PHF24: variants seen among roughly 807,000 people sequenced by gnomAD.
PHF24 encodes PHD finger protein 24.
PHF24 carries 25 observed loss-of-function variants against 42.6 expected under a neutral mutation model. That is an observed-to-expected ratio of 0.59 (90% confidence interval 0.43 to 0.82). The LOEUF is 0.82. Ranked by LOEUF, PHF24 falls within the 40% of genes least tolerant of loss-of-function variation. The pLI, the probability that PHF24 is intolerant of heterozygous loss-of-function variation, is 0.00. For synonymous variants in PHF24, 185 were observed against 204.8 expected, an observed-to-expected ratio of 0.90 and a Z score of 0.83; for missense variants, 470 against 538.1, an observed-to-expected ratio of 0.87 and a Z score of 1.25.
the PHF24 span, among the ~76,000 whole-genome samples, chr9:34,703,958 T>A: frequency 1.3e-5 from 2 of 152,048 alleles, no homozygotes; most frequent in African/African-American, 4.8e-5. Flanking sequence ...GTTCAAGAGA[T>A]CCTCCCACCT....
chr9:34,707,655 C>T, the PHF24 span, among the ~76,000 whole-genome samples: 4 of 152,136 alleles, frequency 2.6e-5, no homozygotes, highest in Non-Finnish European at 5.9e-5. Context: ...CAGGCTCCTA[C>T]AGAAGGAAAA....
chr9:34,885,301 G>C, the PHF24 span, among the ~76,000 whole-genome samples: 1 of 152,144 alleles, frequency 6.6e-6, no homozygotes, highest in Non-Finnish European at 1.5e-5. Flanking sequence ...TCCTATCTGG[G>C]CTTTCTGCAT....
At chr9:34,957,121 G>A (rs907761885), upstream of PHF24, among the ~76,000 whole-genome samples, 2 of 152,150 alleles carry the variant, frequency 1.3e-5, no homozygotes, top group African/African-American at 4.8e-5. Context: ...AATAGTACCT[G>A]GCACTTCGTG....
the PHF24 span, among the ~76,000 whole-genome samples, chr9:34,946,456 T>C: frequency 6.6e-6 from 1 of 152,342 alleles, no homozygotes; most frequent in South Asian, 2.1e-4. Context: ...AGTTTCCATA[T>C]CCATTTCCAA....
chr9:34,722,329 T>A, the PHF24 span, among the ~76,000 whole-genome samples: 2 of 152,216 alleles, frequency 1.3e-5, no homozygotes, highest in Admixed American at 1.3e-4. Flanking sequence ...GTTTTTGTCC[T>A]AAATAACTGG....
upstream of PHF24, chr9:34,958,226 G>GC (rs1316680269): frequency 3.3e-5 from 5 of 151,116 alleles, 1 homozygote; most frequent in South Asian, 1.8e-4. This position sits in a 1 kb window ranked among gnomAD's most constrained non-coding sequence, Gnocchi z 4.5. Flanking sequence ...CCGGCCGCGC[G>GC]CGCCGCCGCC....
the PHF24 span, among the ~76,000 whole-genome samples, chr9:34,678,979 A>G: frequency 1.3e-5 from 2 of 152,190 alleles, no homozygotes; most frequent in Admixed American, 6.5e-5. Context: ...AGTTTAAACT[A>G]ACACCTGTCT....
exon 7 of PHF24, chr9:34,977,627 A>G: frequency 6.2e-7 from 1 of 1,600,732 alleles, no homozygotes; most frequent in Non-Finnish European, 8.5e-7. Flanking sequence ...TGCTGCCCAC[A>G]GAGCAGGAGT....
chr9:34,929,906 T>C, the PHF24 span, among the ~76,000 whole-genome samples: 5 of 152,216 alleles, frequency 3.3e-5, no homozygotes, highest in Non-Finnish European at 7.3e-5. Context: ...AAGCTTTACA[T>C]TGTAACCCTT....
the PHF24 span, chr9:34,835,698 G>T: frequency 3.6e-4 from 555 of 1,551,364 alleles, 5 homozygotes; most frequent in South Asian, 5.5e-3. Context: ...CTAGCTGGAG[G>T]TGATCAGCCC....
chr9:34,728,563 A>T, the PHF24 span: 1 of 1,537,782 alleles, frequency 6.5e-7, no homozygotes, highest in East Asian at 2.4e-5. Context: ...GATTCATGGG[A>T]AACACCCACA....
the PHF24 span, among the ~76,000 whole-genome samples, chr9:34,857,064 T>C: frequency 1.3e-5 from 2 of 152,188 alleles, no homozygotes; most frequent in Non-Finnish European, 2.9e-5. Flanking sequence ...TTGTGTTGCA[T>C]TGTGAGGAAC....
chr9:34,742,573 C>T, the PHF24 span, among the ~76,000 whole-genome samples: 2 of 152,106 alleles, frequency 1.3e-5, no homozygotes, highest in African/African-American at 4.8e-5. Context: ...GGTGTACCTA[C>T]TCTTTTTTAA....
At chr9:34,841,966 G>A in the PHF24 span, among the ~76,000 whole-genome samples, 1 of 151,954 alleles carries the variant, frequency 6.6e-6, no homozygotes, top group Non-Finnish European at 1.5e-5. Context: ...TATTTATACC[G>A]CTTTGTAATT....
chr9:34,725,937 C>A, the PHF24 span: 4 of 1,550,450 alleles, frequency 2.6e-6, no homozygotes, highest in Non-Finnish European at 2.6e-6. Flanking sequence ...GAAGGGAGCC[C>A]ACAGAATAGC....
the PHF24 span, among the ~76,000 whole-genome samples, chr9:34,669,903 T>C: frequency 6.6e-6 from 1 of 152,188 alleles, no homozygotes; most frequent in South Asian, 2.1e-4. Context: ...AGACCAACCA[T>C]GTGATTAGAG....
the PHF24 span, among the ~76,000 whole-genome samples, chr9:34,781,023 A>G: frequency 1.3e-5 from 2 of 152,216 alleles, no homozygotes; most frequent in African/African-American, 4.8e-5. Context: ...ACCTTTGCGC[A>G]TTGCCAGTGG....
At chr9:34,787,641 T>C in the PHF24 span, among the ~76,000 whole-genome samples, 1 of 152,204 alleles carries the variant, frequency 6.6e-6, no homozygotes, top group African/African-American at 2.4e-5. Context: ...AAGCCAGTGA[T>C]CTGCTCCACC....
chr9:34,850,702 G>C, the PHF24 span, among the ~76,000 whole-genome samples: 3 of 152,146 alleles, frequency 2.0e-5, no homozygotes, highest in African/African-American at 4.8e-5. Flanking sequence ...CAGTTTTTCT[G>C]CTCCGATTTT....
Sources: gnomAD v4.1 joint callset for allele counts (sites outside exome capture counted in the v4.1 genomes callset) on GRCh38, gnomAD v4.1.1 for gene constraint, Gnocchi (gnomAD v3.1) non-coding constraint, MANE v1.5 for transcripts, NCBI Gene and HGNC (gene_info 2026-07-23, HGNC 2026-07-21) for gene names.